The following NFATC1 variants were observed in gnomAD, a reference collection of about 807,000 sequenced individuals.
NFATC1 encodes nuclear factor of activated T cells 1, also known as nuclear factor of activated T-cells, cytoplasmic 1.
Under a neutral mutation model 76.0 loss-of-function variants are expected in NFATC1, and 22 were observed. The ratio of observed to expected loss-of-function variants is 0.29; its 90% CI spans 0.21 to 0.41. NFATC1 has a LOEUF of 0.41. NFATC1 is among the 10% of genes least tolerant of loss of function. The probability of loss-of-function intolerance (pLI) is 1.00; values close to 1 mark genes in which losing one functional copy is unlikely to be tolerated. For synonymous variants in NFATC1, 704 were observed against 613.1 expected, an observed-to-expected ratio of 1.15 and a Z score of -2.19; for missense variants, 1,357 against 1,337.7, an observed-to-expected ratio of 1.01 and a Z score of -0.23.
intron 1 of NFATC1, among the ~76,000 whole-genome samples, chr18:79,397,734 A>G (rs1043884038): frequency 6.6e-6 from 1 of 152,172 alleles, no homozygotes; most frequent in Non-Finnish European, 1.5e-5. Flanking sequence ...GGTCTTTCCA[A>G]GTTCAGATCT....
At chr18:79,471,680 G>T (rs1019111569) in intron 8 of NFATC1, among the ~76,000 whole-genome samples, 2 of 152,200 alleles carry the variant, frequency 1.3e-5, no homozygotes, top group Non-Finnish European at 2.9e-5. Context: ...TTCCTCAGGG[G>T]ACACGCGGTC....
At chr18:79,507,709 G>A (rs548704250) in intron 9 of NFATC1, among the ~76,000 whole-genome samples, 1 of 152,380 alleles carries the variant, frequency 6.6e-6, no homozygotes, top group South Asian at 2.1e-4. Flanking sequence ...CCCCACCCGT[G>A]ATGTGTTGCA....
intron 9 of NFATC1, among the ~76,000 whole-genome samples, chr18:79,512,126 G>A (rs542051100): frequency 9.9e-5 from 15 of 152,222 alleles, no homozygotes; most frequent in Admixed American, 4.6e-4. Flanking sequence ...CCTCAGGGAG[G>A]ATGGCTTGAG....
rs201530582 is a variant in NFATC1 at position 79,411,465 on chromosome 18, C to T, written c.1190C>T (p.Ala397Val). Residue 397 changes from alanine to valine, a missense_variant, in exon 2 of 10, where the codon GCG becomes GTG. Ala to Val is a moderately conservative substitution (Grantham distance 64). Transcript: ENST00000427363. ...GTGCCGCAGCACCCCTACCAGTGGG[C>T]GAAGCCCAAGCCCCTGTCCCCTACG... ...LAVPQHPYQW[A>V]KPKPLSPTSY... 5.5e-5 allele frequency: 83 copies of T among 1,500,718 alleles called. No individual in the cohort carries two copies. The East Asian group carries it at 1.0e-3, about 19-fold the overall frequency. 93.0% of individuals were successfully genotyped at this position (1,500,718 alleles called of 1,614,324 possible). A position where few individuals can be genotyped will look rare whatever the true frequency, so the allele number is the denominator to read the frequency against.
intron 1 of NFATC1, among the ~76,000 whole-genome samples, chr18:79,402,028 C>T (rs889928333): frequency 1.3e-5 from 2 of 152,256 alleles, no homozygotes; most frequent in Non-Finnish European, 2.9e-5. Context: ...CCCAGGCCTC[C>T]AGGGTGGGCT....
intron 9 of NFATC1, among the ~76,000 whole-genome samples, chr18:79,504,190 G>C (rs1473417986): frequency 6.6e-6 from 1 of 152,222 alleles, no homozygotes; most frequent in Non-Finnish European, 1.5e-5. Context: ...TTCACAGTTG[G>C]ACTGGCGCGG....
intron 7 of NFATC1, among the ~76,000 whole-genome samples, 173 bp from the exon 8 acceptor site, chr18:79,467,277 C>A (rs2088550310): frequency 6.8e-6 from 1 of 146,396 alleles, no homozygotes; most frequent in African/African-American, 2.8e-5. Context: ...AGTTTACCGT[C>A]ACGGCAGTCC....
At chr18:79,520,360 C>T (rs1393648061) in intron 9 of NFATC1, among the ~76,000 whole-genome samples, 3 of 152,080 alleles carry the variant, frequency 2.0e-5, no homozygotes, top group East Asian at 3.9e-4. Flanking sequence ...GTCCCGGTGG[C>T]TCTCACAGCA....
At chr18:79,521,280 T>C in intron 9 of NFATC1, among the ~76,000 whole-genome samples, 1 of 51,998 alleles carries the variant, frequency 1.9e-5, no homozygotes, top group Non-Finnish European at 3.3e-5. Flanking sequence ...TCCGCTGATG[T>C]GTGTGTCTGT....
At chr18:79,412,221 C>CT (rs1465960755) in intron 2 of NFATC1, among the ~76,000 whole-genome samples, 2 of 152,234 alleles carry the variant, frequency 1.3e-5, no homozygotes, top group Non-Finnish European at 2.9e-5. Context: ...GTTTTTATCT[C>CT]TAACGAAACA....
At chr18:79,406,799 A>G (rs1209923194) in intron 1 of NFATC1, among the ~76,000 whole-genome samples, 1 of 151,340 alleles carries the variant, frequency 6.6e-6, no homozygotes, top group African/African-American at 2.4e-5. Context: ...CCTTCTGTCC[A>G]CCGTTGGACT....
chr18:79,489,056 C>A (rs1023045090), intron 9 of NFATC1, among the ~76,000 whole-genome samples: 1 of 152,218 alleles, frequency 6.6e-6, no homozygotes, highest in Non-Finnish European at 1.5e-5. Context: ...CAGGTGAGAT[C>A]ATCCCTTTAC....
chr18:79,433,940 CCT>C (rs1300950892), intron 3 of NFATC1, among the ~76,000 whole-genome samples: 3 of 152,240 alleles, frequency 2.0e-5, no homozygotes, highest in Non-Finnish European at 4.4e-5. Context: ...ACGTGCAGGC[CCT>C]CTCTCGTTGT....
intron 2 of NFATC1, among the ~76,000 whole-genome samples, chr18:79,419,847 G>T (rs1347485090): frequency 1.3e-5 from 2 of 152,270 alleles, no homozygotes; most frequent in Non-Finnish European, 2.9e-5. Flanking sequence ...TTAAACCTGA[G>T]TCGGGAGTTG....
intron 2 of NFATC1, among the ~76,000 whole-genome samples, chr18:79,411,835 T>G (rs1600626054): frequency 6.6e-6 from 1 of 152,206 alleles, no homozygotes; most frequent in Non-Finnish European, 1.5e-5. Context: ...CTGCTGGCGG[T>G]CAGGGCTTCC....
At chr18:79,513,686 C>T (rs1235039454) in intron 9 of NFATC1, among the ~76,000 whole-genome samples, 1 of 152,236 alleles carries the variant, frequency 6.6e-6, no homozygotes, top group Non-Finnish European at 1.5e-5. Flanking sequence ...CTCCCGGTCT[C>T]CTCCCTCTGA....
At chr18:79,498,975 G>C (rs1389932964) in intron 9 of NFATC1, among the ~76,000 whole-genome samples, 1 of 152,224 alleles carries the variant, frequency 6.6e-6, no homozygotes, top group Non-Finnish European at 1.5e-5. Context: ...AAGACACACA[G>C]AATTTGTTGC....
At position 79,461,420 on chromosome 18, in the gene NFATC1, C is replaced by G. The variant is rs61030231; in HGVS notation, c.1959+54C>G. The G allele has an allele frequency of 2.6e-5, 38 of 1,475,672 alleles. No individual in the cohort carries two copies. The East Asian group carries it at 2.8e-4, about 11-fold the overall frequency. The allele number at this position is 1,475,672 out of a possible 1,614,324, so 91.4% of individuals were successfully genotyped here. ...CTGTGGGTCCCCAGGGCTTGGGAGG[C>G]TGGGGTCTGCTGGAGCCACTGCGGG... On this transcript the variant is annotated intron_variant, in intron 7 of 9. Coordinates refer to ENST00000427363, the MANE Select transcript of NFATC1 (RefSeq NM_001278669.2).
chr18:79,456,494 G>T (rs2087732852), intron 6 of NFATC1, among the ~76,000 whole-genome samples: 1 of 152,254 alleles, frequency 6.6e-6, no homozygotes, highest in Admixed American at 6.5e-5. Context: ...CCCCAGTGAG[G>T]CATCAGTGCC....
Sources: allele counts gnomAD v4.1 joint callset (sites outside exome capture counted in the v4.1 genomes callset), GRCh38; gene constraint gnomAD v4.1.1; transcripts MANE v1.5; gene names NCBI Gene and HGNC (gene_info 2026-07-23, HGNC 2026-07-21).